The following DST variants were observed in gnomAD, a reference collection of about 807,000 sequenced individuals.
DST encodes dystonin, also known as bullous pemphigoid antigen.
In DST, 253 loss-of-function variants were observed where a neutral mutation model predicts 875.2. The ratio of observed to expected loss-of-function variants is 0.29; its 90% CI spans 0.26 to 0.32. The LOEUF is 0.32. Among genes scored for constraint, DST ranks in the 10% least tolerant of loss-of-function variants. The pLI is 1.00. For missense variants in DST, 8,287 were observed against 9,111.6 expected, an observed-to-expected ratio of 0.91 and a Z score of 3.68; for synonymous variants, 3,124 against 3,197.1, an observed-to-expected ratio of 0.98 and a Z score of 0.77.
intron 9 of DST, chr6:56,692,855 T>C (rs1234979252): frequency 7.8e-7 from 1 of 1,289,736 alleles, no homozygotes; most frequent in Non-Finnish European, 1.0e-6. Flanking sequence ...ACTTCTGTCT[T>C]CTTTTGCTGA....
chr6:56,609,505 C>T (rs1171903809), intron 39 of DST, among the ~76,000 whole-genome samples, 161 bp from the exon 40 acceptor site: 1 of 152,176 alleles, frequency 6.6e-6, no homozygotes, highest in Non-Finnish European at 1.5e-5. Flanking sequence ...AGTTCAAATG[C>T]ACAAGTGATC....
chr6:56,659,944 C>T (rs913782536), intron 10 of DST, among the ~76,000 whole-genome samples: 3 of 152,026 alleles, frequency 2.0e-5, no homozygotes, highest in Non-Finnish European at 2.9e-5. Flanking sequence ...ACAGCAGCAG[C>T]GGGGGTGAGG....
chr6:56,750,092 T>C (rs113121436), intron 4 of DST, among the ~76,000 whole-genome samples: 60 of 152,260 alleles, frequency 3.9e-4, no homozygotes, highest in African/African-American at 1.3e-3. Context: ...AAATGTTAAG[T>C]GTGTGGGGTG....
In DST at chr6:56,639,477, G is replaced by A. The variant is rs1327142703; in HGVS notation, c.2832C>T (p.Asn944=). The A allele has an allele frequency of 3.1e-6, 5 of 1,613,802 alleles. No individual in the cohort carries two copies. In the Admixed American group the frequency reaches 6.7e-5, roughly 22 times the overall value. ...CATGATAATCTTTTTTCCTAGCTAT[G>A]TTGGTGTTTCTCTCACTCCAGTCAT... ...VAYDWSERNT[N]IARKKDYHAE... is the part of the protein sequence containing the mutation. Residue 944 remains asparagine (N), a synonymous_variant, in exon 21 of 104, where the codon AAC becomes AAT. Coordinates refer to ENST00000680361, the MANE Select transcript of DST (RefSeq NM_001374736.1).
At chr6:56,486,584 G>A (rs74510082) in intron 87 of DST, among the ~76,000 whole-genome samples, 1 of 152,076 alleles carries the variant, frequency 6.6e-6, no homozygotes, top group South Asian at 2.1e-4. Flanking sequence ...TATGTCTTGG[G>A]TTTTCATGGA....
intron 49 of DST, among the ~76,000 whole-genome samples, chr6:56,586,666 G>T (rs2098158756): frequency 6.6e-6 from 1 of 152,126 alleles, no homozygotes; most frequent in Admixed American, 6.5e-5. Context: ...CCCCCCAGTA[G>T]GGGCAGACTG....
At chr6:56,469,132 C>A in intron 97 of DST, 133 bp from the exon 98 acceptor site, 1 of 490,226 alleles carries the variant, frequency 2.0e-6, no homozygotes, top group Non-Finnish European at 3.5e-6. Flanking sequence ...TGTGCAGGCA[C>A]CCAGTTGTCC....
chr6:56,562,655 A>G (rs962420992), intron 55 of DST, among the ~76,000 whole-genome samples: 2 of 151,928 alleles, frequency 1.3e-5, no homozygotes, highest in African/African-American at 4.8e-5. Flanking sequence ...GGTTTGTTAC[A>G]TAGGTATACA....
intron 90 of DST, among the ~76,000 whole-genome samples, chr6:56,479,167 A>AG (rs1388867923): frequency 6.6e-6 from 1 of 152,216 alleles, no homozygotes; most frequent in African/African-American, 2.4e-5. Context: ...GCCAACAAAC[A>AG]CATGAAAAAT....
intron 4 of DST, among the ~76,000 whole-genome samples, chr6:56,740,136 T>C (rs990948202): frequency 6.6e-6 from 1 of 152,176 alleles, no homozygotes; most frequent in Non-Finnish European, 1.5e-5. Context: ...GATTACAAAG[T>C]GTAGGCCAGG....
At chr6:56,661,822 G>A (rs1442586603) in intron 10 of DST, among the ~76,000 whole-genome samples, 4 of 151,922 alleles carry the variant, frequency 2.6e-5, no homozygotes, top group African/African-American at 9.7e-5. Context: ...TCCTGACCTC[G>A]GGTGATCCGC....
At chr6:56,565,813 C>T (rs1235004679) in intron 55 of DST, among the ~76,000 whole-genome samples, 1 of 152,202 alleles carries the variant, frequency 6.6e-6, no homozygotes, top group East Asian at 1.9e-4. Context: ...CCCCTTCCCC[C>T]AGGTGCTCTG....
In DST at chr6:56,495,007, T is replaced by A. The variant is rs555391919; in HGVS notation, c.20224-827A>T. 2.0e-5 allele frequency among the ~76,000 whole-genome samples: 3 copies of A among 152,104 alleles called. No homozygotes were observed. The South Asian group carries it at 6.2e-4, about 31-fold the overall frequency. ...TCATATAATATAAAATACACTATTA[T>A]AAGTATACAATTCAGTGTTTTTAAA... On this transcript the variant is annotated intron_variant, in intron 82 of 103. Coordinates refer to ENST00000680361, the MANE Select transcript of DST (RefSeq NM_001374736.1).
chr6:56,743,541 T>C (rs2099555705), intron 4 of DST, among the ~76,000 whole-genome samples: 1 of 152,196 alleles, frequency 6.6e-6, no homozygotes, highest in Non-Finnish European at 1.5e-5. Flanking sequence ...CACGAAAGCC[T>C]AAGCCTGTCT....
At chr6:56,646,227 C>A in intron 13 of DST, 45 bp from the exon 14 acceptor site, 1 of 1,135,610 alleles carries the variant, frequency 8.8e-7, no homozygotes, top group Non-Finnish European at 1.2e-6. Flanking sequence ...CTTAAAAGAT[C>A]TGTTTTCATG....
chr6:56,613,005 G>C (rs978490238), intron 37 of DST, among the ~76,000 whole-genome samples: 6 of 151,756 alleles, frequency 4.0e-5, no homozygotes, highest in African/African-American at 1.2e-4. Context: ...CTCCAACCTG[G>C]GTGACAGAGC....
chr6:56,628,196 A>C, intron 32 of DST, 35 bp from the exon 33 acceptor site: 1 of 1,587,268 alleles, frequency 6.3e-7, no homozygotes. Context: ...CACGGTGTCC[A>C]GCGATATCCA....
At chr6:56,953,678 G>C in intron 2 of DST, 107 bp downstream of exon 2, 1 of 781,874 alleles carries the variant, frequency 1.3e-6, no homozygotes, top group East Asian at 6.6e-5. Context: ...GGGACAGCAT[G>C]TTCGTCATTC....
At chr6:56,463,889 T>C (rs2094455270) in intron 100 of DST, 125 bp from the exon 101 acceptor site, 4 of 1,017,612 alleles carry the variant, frequency 3.9e-6, no homozygotes, top group Non-Finnish European at 6.2e-6. Flanking sequence ...GAACATCTTT[T>C]TGCCATGCCA....
Sources: gnomAD v4.1 joint callset for allele counts (sites outside exome capture counted in the v4.1 genomes callset) on GRCh38, gnomAD v4.1.1 for gene constraint, MANE v1.5 for transcripts, NCBI Gene and HGNC (gene_info 2026-07-23, HGNC 2026-07-21) for gene names.